SLC5A4: variants seen among roughly 807,000 people sequenced by gnomAD.
The protein encoded by SLC5A4 is solute carrier family 5 member 4.
In SLC5A4, 55 loss-of-function variants were observed where a neutral mutation model predicts 70.3. That is an observed-to-expected ratio of 0.78 (90% confidence interval 0.63 to 0.98). SLC5A4 has a LOEUF of 0.98. Ranked by LOEUF, SLC5A4 falls within the 50% of genes least tolerant of loss-of-function variation. The pLI, the probability that SLC5A4 is intolerant of heterozygous loss-of-function variation, is 0.00. For synonymous variants in SLC5A4, 268 were observed against 305.7 expected (o/e 0.88, Z 1.29); for missense variants, 735 against 839.2 (o/e 0.88, Z 1.53).
chr22:32,312,837 GAAAAA>G, the SLC5A4 span, among the ~76,000 whole-genome samples: 1 of 151,836 alleles, frequency 6.6e-6, no homozygotes, highest in Non-Finnish European at 1.5e-5. Context: ...GAAATACAAG[GAAAAA>G]AAATATCACA....
At chr22:32,307,842 G>A in the SLC5A4 span, among the ~76,000 whole-genome samples, 1 of 152,246 alleles carries the variant, frequency 6.6e-6, no homozygotes, top group Non-Finnish European at 1.5e-5. Context: ...TGGCCTGACT[G>A]TCCCAATGCT....
the SLC5A4 span, among the ~76,000 whole-genome samples, chr22:32,311,001 G>C: frequency 1.3e-5 from 2 of 152,116 alleles, no homozygotes; most frequent in Non-Finnish European, 2.9e-5. Flanking sequence ...CCTGCCACAG[G>C]GCCTTTGCAC....
At chr22:32,325,666 G>A in the SLC5A4 span, among the ~76,000 whole-genome samples, 1 of 152,278 alleles carries the variant, frequency 6.6e-6, no homozygotes. Flanking sequence ...GCAGGGTCCT[G>A]ATTATCTCCT....
the SLC5A4 span, among the ~76,000 whole-genome samples, chr22:32,295,633 T>C: frequency 1.1e-5 from 1 of 93,938 alleles, no homozygotes; most frequent in Admixed American, 1.2e-4. Flanking sequence ...GGTAGTTTCT[T>C]TTGCTGTGAA....
At chr22:32,261,008 G>A in the SLC5A4 span, among the ~76,000 whole-genome samples, 1 of 151,730 alleles carries the variant, frequency 6.6e-6, no homozygotes, top group Non-Finnish European at 1.5e-5. Context: ...AGGAGGCGAA[G>A]TTTGCAGTGA....
chr22:32,270,670 C>T, the SLC5A4 span: 13 of 708,356 alleles, frequency 1.8e-5, no homozygotes, highest in Admixed American at 7.8e-5. Context: ...CCAAGTGTCG[C>T]TGCTGGGCAT....
At chr22:32,238,881 C>T (rs1034798270) in intron 6 of SLC5A4, 104 bp downstream of exon 6, 8 of 786,000 alleles carry the variant, frequency 1.0e-5, no homozygotes, top group Admixed American at 7.6e-5. Flanking sequence ...GAAATGGTGC[C>T]TTTACCTCGG....
chr22:32,346,909 G>C, the SLC5A4 span, among the ~76,000 whole-genome samples: 3 of 150,932 alleles, frequency 2.0e-5, no homozygotes, highest in Admixed American at 6.6e-5. Context: ...CCATCAGAGT[G>C]AACAGGCAAC....
the SLC5A4 span, among the ~76,000 whole-genome samples, chr22:32,333,201 C>CCCCG: frequency 1.4e-5 from 2 of 147,294 alleles, no homozygotes; most frequent in Admixed American, 6.8e-5. Flanking sequence ...CTGGCACCCC[C>CCCCG]CCCCCAGAAG....
upstream of SLC5A4, among the ~76,000 whole-genome samples, chr22:32,260,190 C>T (rs5998354): frequency 0.19 from 28,581 of 152,064 alleles, 3,562 homozygotes; most frequent in African/African-American, 0.37. Context: ...AATTCCAAAG[C>T]TTCTTAGCTG....
the SLC5A4 span, among the ~76,000 whole-genome samples, chr22:32,316,611 C>T: frequency 1.3e-5 from 2 of 152,014 alleles, no homozygotes; most frequent in Non-Finnish European, 2.9e-5. Flanking sequence ...CTCACTATAA[C>T]CTCTGCCTCT....
At chr22:32,277,795 G>A in the SLC5A4 span, among the ~76,000 whole-genome samples, 3 of 152,208 alleles carry the variant, frequency 2.0e-5, no homozygotes, top group African/African-American at 4.8e-5. Context: ...TCATCTGCCC[G>A]CCTCGGCCTC....
the SLC5A4 span, among the ~76,000 whole-genome samples, chr22:32,262,393 T>C: frequency 8.5e-5 from 13 of 152,148 alleles, no homozygotes; most frequent in African/African-American, 2.9e-4. Flanking sequence ...GCAGGTCTGA[T>C]GGAAGGGGCT....
At chr22:32,320,184 A>G in the SLC5A4 span, among the ~76,000 whole-genome samples, 2 of 152,240 alleles carry the variant, frequency 1.3e-5, no homozygotes, top group Non-Finnish European at 2.9e-5. Flanking sequence ...GAGCATCCGC[A>G]TTCCTTCACT....
the SLC5A4 span, among the ~76,000 whole-genome samples, chr22:32,311,391 T>G: frequency 6.6e-6 from 1 of 152,258 alleles, no homozygotes; most frequent in East Asian, 1.9e-4. Flanking sequence ...CTGGGGGAGA[T>G]TTGGTATCAC....
chr22:32,270,847 C>A, the SLC5A4 span: 1 of 556,634 alleles, frequency 1.8e-6, no homozygotes, highest in Non-Finnish European at 3.3e-6. Context: ...GCCACGACCA[C>A]CTGGTGCTGC....
Position 32,254,250 on chromosome 22 carries a change from A to G in SLC5A4, c.136-37T>C. 1.3e-6 allele frequency: 2 copies of G among 1,526,900 alleles called. 1 individual carries two copies. Among genetic ancestry groups the G allele is most frequent in the Non-Finnish European group, 1.8e-6 (2 of 1,100,798 alleles). The allele number at this position is 1,526,900 out of a possible 1,614,324, so 94.6% of individuals were successfully genotyped here. A position where few individuals can be genotyped will look rare whatever the true frequency, so the allele number is the denominator to read the frequency against. ...GGAAGACAGGTGAGGGTCAAGCCCCAGCAAGTGCACCCAGACACCCCAGAG... is the reference window on the plus strand; with the variant it reads ...GGAAGACAGGTGAGGGTCAAGCCCCGGCAAGTGCACCCAGACACCCCAGAG... On this transcript the variant is annotated intron_variant, in intron 1 of 14. Coordinates refer to ENST00000266086, the MANE Select transcript of SLC5A4 (RefSeq NM_014227.3).
At chr22:32,352,239 A>C in the SLC5A4 span, among the ~76,000 whole-genome samples, 1 of 124,994 alleles carries the variant, frequency 8.0e-6, no homozygotes, top group Non-Finnish European at 1.6e-5. Context: ...GTACACAGGA[A>C]GGGGGACATC....
upstream of SLC5A4, among the ~76,000 whole-genome samples, chr22:32,257,397 C>G (rs938508977): frequency 3.9e-5 from 6 of 152,176 alleles, no homozygotes; most frequent in African/African-American, 9.7e-5. Context: ...TTCTGTCACC[C>G]AGGCTGGAGT....
Sources: gnomAD v4.1 joint callset for allele counts (sites outside exome capture counted in the v4.1 genomes callset) on GRCh38, gnomAD v4.1.1 for gene constraint, MANE v1.5 for transcripts, NCBI Gene and HGNC (gene_info 2026-07-23, HGNC 2026-07-21) for gene names.